BACH2: variants seen among roughly 807,000 people sequenced by gnomAD.
BACH2 encodes the protein BACH transcriptional regulator 2.
Under a neutral mutation model 61.8 loss-of-function variants are expected in BACH2, and 5 were observed. The observed-to-expected ratio is 0.08, with a 90% CI of 0.04 to 0.17. BACH2 has a LOEUF of 0.17. Ranked by LOEUF, BACH2 falls within the 10% of genes least tolerant of loss-of-function variation. BACH2 has a pLI of 1.00. For missense variants in BACH2, 824 were observed against 1,091.1 expected, an observed-to-expected ratio of 0.76 and a Z score of 3.45; for synonymous variants, 446 against 440.1, an observed-to-expected ratio of 1.01 and a Z score of -0.17.
chr6:89,973,320 G>C (rs1246856451), intron 6 of BACH2, among the ~76,000 whole-genome samples: 1 of 152,198 alleles, frequency 6.6e-6, no homozygotes, highest in Non-Finnish European at 1.5e-5. Context: ...AGATGATGCT[G>C]CATACAGCCA....
chr6:90,283,902 G>A (rs933741279), intron 1 of BACH2, among the ~76,000 whole-genome samples: 5 of 151,996 alleles, frequency 3.3e-5, no homozygotes, highest in Non-Finnish European at 7.4e-5. Flanking sequence ...AGCTACTCAG[G>A]AGGCTGAGCC....
chr6:90,243,657 T>A (rs1372549170), intron 3 of BACH2, among the ~76,000 whole-genome samples: 6 of 152,202 alleles, frequency 3.9e-5, no homozygotes, highest in Non-Finnish European at 7.3e-5. Context: ...TTCCTATGAA[T>A]TTTAAAGTTT....
chr6:89,987,469 A>C (rs1487974974), intron 6 of BACH2, among the ~76,000 whole-genome samples: 1 of 152,182 alleles, frequency 6.6e-6, no homozygotes, highest in African/African-American at 2.4e-5. Context: ...GAAGTACATT[A>C]AACACTGAGA....
In BACH2 at chr6:90,008,265, G is replaced by T; in HGVS notation, c.243+337C>A. The T allele has an allele frequency of 3.1e-6, 1 of 325,212 alleles. No homozygotes were observed. Among genetic ancestry groups the T allele is most frequent in the Non-Finnish European group, 5.8e-6 (1 of 173,320 alleles). The allele number at this position is 325,212 out of a possible 1,614,324, so 20.1% of individuals were successfully genotyped here. ...CTAGTGATCCTTACACCATCTGAAA[G>T]ACAGAAATCATAGCAATGATTCAGA... On this transcript the variant is annotated intron_variant, in intron 6 of 8. Coordinates refer to ENST00000257749, the MANE Select transcript of BACH2 (RefSeq NM_021813.4). The surrounding 1 kb of genome is among the most constrained non-coding windows in gnomAD (Gnocchi z 4.1).
intron 4 of BACH2, among the ~76,000 whole-genome samples, chr6:90,147,368 A>T (rs964704404): frequency 6.6e-6 from 1 of 152,092 alleles, no homozygotes; most frequent in African/African-American, 2.4e-5. Context: ...CAATTAAATT[A>T]TCTCACGTTT....
chr6:90,028,644 G>A lies in BACH2; in HGVS notation c.-12-19788C>T, dbSNP rs147110580. ...ATCTGTAATCCAGTGGTCACAAGGC[G>A]TAAGCAACTTAAAACACAAACGTGG... is the stretch of plus-strand genomic sequence containing the variant. On this transcript the variant is annotated intron_variant, in intron 5 of 8. Coordinates refer to ENST00000257749, the MANE Select transcript of BACH2 (RefSeq NM_021813.4). Among the ~76,000 whole-genome samples, 605 of 152,282 alleles carry A rather than the reference G, an allele frequency of 4.0e-3. 6 individuals are homozygous for A. The highest frequency in any genetic ancestry group is 4.0e-3 in the Non-Finnish European group (271 of 68,004).
At chr6:90,062,885 T>A (rs973829243) in intron 5 of BACH2, 2 of 983,542 alleles carry the variant, frequency 2.0e-6, no homozygotes, top group Non-Finnish European at 2.4e-6. Context: ...AAGGCTGACC[T>A]GGCTCTGCCA....
chr6:90,056,538 C>T (rs1349996245), intron 5 of BACH2, among the ~76,000 whole-genome samples: 3 of 152,060 alleles, frequency 2.0e-5, no homozygotes, highest in Non-Finnish European at 2.9e-5. Flanking sequence ...CTTTAACATC[C>T]CACTGTCAAC....
intron 1 of BACH2, among the ~76,000 whole-genome samples, chr6:90,295,934 A>T (rs1772350515): frequency 6.6e-6 from 1 of 152,048 alleles, no homozygotes; most frequent in East Asian, 2.0e-4. Flanking sequence ...AGCTGAGCGC[A>T]AAGGCGCCGC....
At chr6:90,096,426 G>A (rs1210217517) in intron 4 of BACH2, among the ~76,000 whole-genome samples, 1 of 152,122 alleles carries the variant, frequency 6.6e-6, no homozygotes, top group Non-Finnish European at 1.5e-5. Flanking sequence ...TCCATCAAGG[G>A]ATAACCAAAA....
chr6:90,116,251 G>A (rs1181673520), intron 4 of BACH2, among the ~76,000 whole-genome samples: 3 of 152,176 alleles, frequency 2.0e-5, no homozygotes, highest in East Asian at 1.9e-4. Context: ...CTAAATGCCC[G>A]TCAATGACAG....
chr6:90,006,504 T>G (rs1777413484), intron 6 of BACH2, among the ~76,000 whole-genome samples: 1 of 152,244 alleles, frequency 6.6e-6, no homozygotes, highest in African/African-American at 2.4e-5. Context: ...AGTGTTGGGA[T>G]CTCTCTAGCT....
chr6:90,036,148 T>C (rs762964000), intron 5 of BACH2, among the ~76,000 whole-genome samples: 13 of 136,890 alleles, frequency 9.5e-5, no homozygotes, highest in Non-Finnish European at 2.0e-4. Flanking sequence ...AAACAGGGCA[T>C]TGCTTCTCAT....
chr6:90,111,124 C>T lies in BACH2; in HGVS notation c.-161-22015G>A, dbSNP rs189258314. ...GTGCACGTCAATACTGCGAAAAAGA[C>T]AGACAGCATCTTGGTATTACTGTGA... On this transcript the variant is annotated intron_variant, in intron 4 of 8. Coordinates refer to ENST00000257749, the MANE Select transcript of BACH2 (RefSeq NM_021813.4). Among the ~76,000 whole-genome samples the T allele has an allele frequency of 1.9e-4, 29 of 152,266 alleles. 1 individual carries two copies. In the East Asian group the frequency reaches 5.0e-3, roughly 26 times the overall value.
intron 5 of BACH2, among the ~76,000 whole-genome samples, chr6:90,013,508 T>C (rs1032460369): frequency 2.3e-5 from 3 of 128,198 alleles, no homozygotes; most frequent in Non-Finnish European, 4.7e-5. Context: ...CTTTTTCTTT[T>C]TCTTTTTTTT....
chr6:89,955,589 A>C (rs1352059552), intron 6 of BACH2, among the ~76,000 whole-genome samples: 1 of 152,306 alleles, frequency 6.6e-6, no homozygotes, highest in Middle Eastern at 3.4e-3. Context: ...TACTTTCGGC[A>C]GTGGTAATCG....
chr6:90,021,013 C>T (rs909131014), intron 5 of BACH2, among the ~76,000 whole-genome samples: 1 of 152,132 alleles, frequency 6.6e-6, no homozygotes, highest in African/African-American at 2.4e-5. Context: ...GGATCTCATT[C>T]TTCCTTTTGC....
intron 1 of BACH2, among the ~76,000 whole-genome samples, chr6:90,295,813 C>A (rs1772341565): frequency 6.6e-6 from 1 of 152,150 alleles, no homozygotes; most frequent in Admixed American, 6.5e-5. Context: ...AGGAGAGATT[C>A]GATCCAGGTC....
At chr6:90,189,936 T>G (rs192246311) in intron 4 of BACH2, among the ~76,000 whole-genome samples, 1 of 151,474 alleles carries the variant, frequency 6.6e-6, no homozygotes, top group Non-Finnish European at 1.5e-5. Flanking sequence ...GGAATTGGTC[T>G]ATTAACTCTG....
Sources: gnomAD v4.1 joint callset for allele counts (sites outside exome capture counted in the v4.1 genomes callset) on GRCh38, gnomAD v4.1.1 for gene constraint, Gnocchi (gnomAD v3.1) non-coding constraint, MANE v1.5 for transcripts, NCBI Gene and HGNC (gene_info 2026-07-23, HGNC 2026-07-21) for gene names.